The following CDC123 variants were observed in gnomAD, a reference collection of about 807,000 sequenced individuals.
CDC123 encodes the protein cell division cycle 123.
Under a neutral mutation model 54.4 loss-of-function variants are expected in CDC123, and 37 were observed. The ratio of observed to expected loss-of-function variants is 0.68; its 90% CI spans 0.52 to 0.89. The LOEUF (loss-of-function observed/expected upper bound fraction) is 0.89. Among genes scored for constraint, CDC123 ranks in the 40% least tolerant of loss-of-function variants. The pLI is 0.00. For synonymous variants in CDC123, 144 were observed against 136.8 expected (o/e 1.05, Z -0.37); for missense variants, 361 against 412.1 (o/e 0.88, Z 1.07).
intron 12 of CDC123, 67 bp downstream of exon 12, chr10:12,249,785 T>C: frequency 1.3e-6 from 2 of 1,515,582 alleles, no homozygotes; most frequent in Non-Finnish European, 1.8e-6. Flanking sequence ...GGCTTTTATA[T>C]AATATTTCAT....
chr10:12,231,134 A>G (rs907544620), intron 7 of CDC123, 138 bp downstream of exon 7: 2 of 684,424 alleles, frequency 2.9e-6, no homozygotes, highest in African/African-American at 1.8e-5. Flanking sequence ...TTTTAAATTT[A>G]TGAAATATAC....
chr10:12,217,541 A>G, intron 6 of CDC123, 74 bp downstream of exon 6: 2 of 1,441,428 alleles, frequency 1.4e-6, no homozygotes, highest in South Asian at 2.6e-5. Flanking sequence ...AAATTCCATT[A>G]CTTATAGTAC....
chr10:12,229,608 G>A lies in CDC123; in HGVS notation c.441-1340G>A, dbSNP rs1353324079. Among the ~76,000 whole-genome samples, 10 of 152,318 alleles carry A rather than the reference G, an allele frequency of 6.6e-5. 1 individual carries two copies. Among genetic ancestry groups the A allele is most frequent in the Non-Finnish European group, 1.5e-5 (1 of 68,030 alleles). ...ATCAGTTCTTCCTTGGTGCTGCAGA[G>A]TATTTTTTCTCTAGTGTTTTTAAAA... On this transcript the variant is annotated intron_variant, in intron 6 of 12. Transcript: ENST00000281141.
At chr10:12,223,512 C>T (rs191942039) in intron 6 of CDC123, among the ~76,000 whole-genome samples, 2 of 152,244 alleles carry the variant, frequency 1.3e-5, no homozygotes, top group East Asian at 3.9e-4. Context: ...TCTTGAACTC[C>T]TGACCTCAAG....
At chr10:12,243,099 A>G (rs1588684059) in intron 10 of CDC123, among the ~76,000 whole-genome samples, 1 of 145,710 alleles carries the variant, frequency 6.9e-6, no homozygotes, top group African/African-American at 2.5e-5. Context: ...GTTTGTTTTC[A>G]TTTAAAAATG....
intron 6 of CDC123, among the ~76,000 whole-genome samples, chr10:12,218,077 C>T (rs1247883876): frequency 6.6e-6 from 1 of 151,700 alleles, no homozygotes; most frequent in African/African-American, 2.4e-5. Context: ...GGCGACAGAG[C>T]GAGACTCCAT....
chr10:12,207,627 G>A (rs1261748323), intron 2 of CDC123, among the ~76,000 whole-genome samples: 1 of 152,194 alleles, frequency 6.6e-6, no homozygotes, highest in East Asian at 1.9e-4. Flanking sequence ...ATTGATGGAA[G>A]ATTCCCAGAT....
At chr10:12,208,128 A>C (rs1156377740) in intron 2 of CDC123, among the ~76,000 whole-genome samples, 3 of 152,160 alleles carry the variant, frequency 2.0e-5, no homozygotes, top group African/African-American at 7.2e-5. Flanking sequence ...TCCAGAGGGA[A>C]CACAGAGATA....
chr10:12,215,105 A>C (rs1835646986), intron 4 of CDC123, among the ~76,000 whole-genome samples: 1 of 152,188 alleles, frequency 6.6e-6, no homozygotes, highest in Non-Finnish European at 1.5e-5. Context: ...CGAAACAAAC[A>C]CAGAACGTTT....
intron 10 of CDC123, among the ~76,000 whole-genome samples, chr10:12,240,978 G>A (rs920161945): frequency 6.6e-6 from 1 of 152,178 alleles, no homozygotes; most frequent in Non-Finnish European, 1.5e-5. Flanking sequence ...AAAGTGAAAT[G>A]TATTTTAATG....
In CDC123 at chr10:12,239,940, G is replaced by A. The variant is rs538743500; in HGVS notation, c.717+1455G>A. On this transcript the variant is annotated intron_variant, in intron 10 of 12. Coordinates refer to ENST00000281141, the MANE Select transcript of CDC123 (RefSeq NM_006023.3). ...GGAGAATGGCGTGAACCCGGGAGGC[G>A]GAGCTTGCAGTGAGCCGAGATCGCG... Among the ~76,000 whole-genome samples, 16 of 149,292 alleles carry A rather than the reference G, an allele frequency of 1.1e-4. No homozygotes were observed. In the South Asian group the frequency reaches 3.4e-3, roughly 31 times the overall value.
chr10:12,209,511 A>G (rs1835567546), intron 2 of CDC123, among the ~76,000 whole-genome samples: 1 of 152,186 alleles, frequency 6.6e-6, no homozygotes, highest in Non-Finnish European at 1.5e-5. Context: ...CTGAAATTAC[A>G]GGTGTGAGCC....
intron 6 of CDC123, among the ~76,000 whole-genome samples, chr10:12,218,595 G>A (rs906888260): frequency 1.3e-5 from 2 of 152,096 alleles, no homozygotes; most frequent in East Asian, 1.9e-4. Context: ...ACATCATTGC[G>A]TGTCTAAATT....
chr10:12,197,117 G>A (rs1004437850), intron 1 of CDC123, among the ~76,000 whole-genome samples: 2 of 152,196 alleles, frequency 1.3e-5, no homozygotes, highest in African/African-American at 4.8e-5. Flanking sequence ...TTCTTAAATA[G>A]TATTGGAATG....
At chr10:12,233,219 GA>G (rs1835925999) in intron 7 of CDC123, among the ~76,000 whole-genome samples, 1 of 150,810 alleles carries the variant, frequency 6.6e-6, no homozygotes, top group African/African-American at 2.4e-5. Context: ...TAATTCAAAT[GA>G]AAAAAGTTGC....
chr10:12,235,809 A>G (rs1835970742), intron 8 of CDC123, among the ~76,000 whole-genome samples: 1 of 152,182 alleles, frequency 6.6e-6, no homozygotes, highest in Non-Finnish European at 1.5e-5. Context: ...CATTTCTCAT[A>G]TTGCTCGATA....
At chr10:12,244,770 G>A (rs572173498) in intron 10 of CDC123, 1 of 152,036 alleles carries the variant, frequency 6.6e-6, no homozygotes, top group Admixed American at 6.6e-5. Flanking sequence ...GGCTCATGGG[G>A]AGGCCAAGGT....
rs944768641 is a variant in CDC123, at chr10:12,214,992, A to C, written c.238-748A>C. On this transcript the variant is annotated intron_variant, in intron 4 of 12. Coordinates refer to ENST00000281141, the MANE Select transcript of CDC123 (RefSeq NM_006023.3). ...TCTTACTTACCTTTTTTTCTTTCTT[A>C]TGTCCATAAGCTCCTGTGATAGTGA... Among the ~76,000 whole-genome samples the C allele has an allele frequency of 2.6e-5, 4 of 151,754 alleles. No individual in the cohort carries two copies. The East Asian group carries it at 5.8e-4, about 22-fold the overall frequency.
chr10:12,236,692 C>G (rs1445478834), intron 8 of CDC123, among the ~76,000 whole-genome samples: 1 of 151,620 alleles, frequency 6.6e-6, no homozygotes, highest in East Asian at 1.9e-4. Flanking sequence ...CAGTTCAAGA[C>G]CAGCCTGGCC....
Sources: gnomAD v4.1 joint callset for allele counts (sites outside exome capture counted in the v4.1 genomes callset) on GRCh38, gnomAD v4.1.1 for gene constraint, MANE v1.5 for transcripts, NCBI Gene and HGNC (gene_info 2026-07-23, HGNC 2026-07-21) for gene names.